NKAIN3: variants seen among roughly 807,000 people sequenced by gnomAD.
NKAIN3 encodes sodium/potassium-transporting ATPase subunit beta-1-interacting protein 3.
A neutral mutation model predicts 30.2 loss-of-function variants in NKAIN3; 25 were observed. That is an observed-to-expected ratio of 0.83 (90% CI 0.60 to 1.16). The LOEUF is 1.16. Among genes scored for constraint, NKAIN3 ranks in the 50% most tolerant of loss-of-function variants. The pLI is 0.00. For missense variants in NKAIN3, 225 were observed against 254.1 expected (o/e 0.89, Z 0.78); for synonymous variants, 91 against 89.6 (o/e 1.02, Z -0.09).
chr8:62,945,769 T>C (rs984375619), intron 5 of NKAIN3, among the ~76,000 whole-genome samples: 4 of 152,116 alleles, frequency 2.6e-5, no homozygotes, highest in Admixed American at 6.5e-5. Context: ...TGAGGAAGAA[T>C]GAGGATCCGA....
At chr8:62,946,968 C>A (rs1012140403) in intron 5 of NKAIN3, among the ~76,000 whole-genome samples, 3 of 152,110 alleles carry the variant, frequency 2.0e-5, no homozygotes, top group Admixed American at 1.3e-4. Context: ...TATAGTTAAA[C>A]CTGGGACATA....
At chr8:62,268,079 A>G (rs1812662163) in intron 1 of NKAIN3, among the ~76,000 whole-genome samples, 1 of 152,224 alleles carries the variant, frequency 6.6e-6, no homozygotes, top group Non-Finnish European at 1.5e-5. Flanking sequence ...GTAAGAAATC[A>G]AGGAAGAAAT....
At chr8:62,519,194 C>T (rs1808082301) in intron 1 of NKAIN3, among the ~76,000 whole-genome samples, 1 of 151,974 alleles carries the variant, frequency 6.6e-6, no homozygotes, top group Non-Finnish European at 1.5e-5. Flanking sequence ...GATGAAGTAA[C>T]CAGAGACTTG....
At position 62,317,103 on chromosome 8, in the gene NKAIN3, A is replaced by T. The variant is rs558543967; in HGVS notation, c.54+67976A>T. ...TGAGAAGTGTCTGTTCATATCCTTC[A>T]CCCACTTTTTGATGGGTTGTTTGTT... On this transcript the variant is annotated intron_variant, in intron 1 of 6. Coordinates refer to ENST00000623646, the MANE Select transcript of NKAIN3 (RefSeq NM_001304533.3). Among the ~76,000 whole-genome samples, 17 of 152,004 alleles carry T rather than the reference A, an allele frequency of 1.1e-4. No individual in the cohort carries two copies. The South Asian group carries it at 3.5e-3, about 32-fold the overall frequency.
intron 1 of NKAIN3, among the ~76,000 whole-genome samples, chr8:62,409,347 G>T (rs1206670524): frequency 6.6e-6 from 1 of 152,034 alleles, no homozygotes; most frequent in Admixed American, 6.6e-5. Context: ...ACCACAACCA[G>T]CTAATTTTGT....
chr8:62,624,618 C>A (rs1811736815), intron 3 of NKAIN3, among the ~76,000 whole-genome samples: 2 of 151,436 alleles, frequency 1.3e-5, no homozygotes, highest in Admixed American at 1.3e-4. Flanking sequence ...GTTTTATGAG[C>A]TTCCTGTATC....
intron 4 of NKAIN3, among the ~76,000 whole-genome samples, chr8:62,762,070 C>T (rs936962028): frequency 2.0e-5 from 3 of 152,190 alleles, no homozygotes; most frequent in Non-Finnish European, 4.4e-5. Context: ...AATCCCAGCA[C>T]TTTGGGAGGC....
intron 3 of NKAIN3, among the ~76,000 whole-genome samples, chr8:62,701,919 A>G (rs1814351210): frequency 1.3e-5 from 2 of 152,122 alleles, no homozygotes; most frequent in African/African-American, 2.4e-5. Context: ...TTAACCCCAT[A>G]TACTCAGAAT....
Position 62,775,820 on chromosome 8 carries a change from T to A in NKAIN3, c.471+28691T>A, listed in dbSNP as rs186318956. On this transcript the variant is annotated intron_variant, in intron 4 of 6. Transcript: ENST00000623646. ...TCTATTAGGCCCATTTGATCTATTG[T>A]ACAGTTTAAGTCTGATGTTTCTTTG... 5.3e-5 allele frequency among the ~76,000 whole-genome samples: 8 copies of A among 152,248 alleles called. No homozygotes were observed. In the East Asian group the frequency reaches 1.4e-3, roughly 26 times the overall value.
At chr8:62,470,006 G>A (rs577182689) in intron 1 of NKAIN3, among the ~76,000 whole-genome samples, 77 of 152,184 alleles carry the variant, frequency 5.1e-4, no homozygotes, top group African/African-American at 1.7e-3. Context: ...CCAATTCCCC[G>A]CAGCCTCTTC....
rs575640017 is a variant in NKAIN3, at chr8:62,713,292, A to T, written c.274-33640A>T. Reference sequence around the variant, plus strand: ...TATGACAAAAGCTTGCACGTAGTAGACACTTACCTGGTATTTGTAGGATTG... The same window carrying T: ...TATGACAAAAGCTTGCACGTAGTAGTCACTTACCTGGTATTTGTAGGATTG... On this transcript the variant is annotated intron_variant, in intron 3 of 6. Transcript: ENST00000623646. 9.2e-5 allele frequency among the ~76,000 whole-genome samples: 14 copies of T among 152,338 alleles called. No homozygotes were observed. The South Asian group carries it at 2.7e-3, about 29-fold the overall frequency.
chr8:62,574,342 A>G (rs976508955), intron 1 of NKAIN3, among the ~76,000 whole-genome samples: 2 of 152,184 alleles, frequency 1.3e-5, no homozygotes, highest in Non-Finnish European at 2.9e-5. Context: ...TAGTGCTGCA[A>G]TAAACGTGGG....
Position 62,508,862 on chromosome 8 carries a change from G to A in NKAIN3, c.55-70677G>A, listed in dbSNP as rs909764890. Among the ~76,000 whole-genome samples the A allele has an allele frequency of 7.7e-4, 117 of 152,214 alleles. 1 individual carries two copies. The highest frequency in any genetic ancestry group is 9.8e-4 in the Admixed American group (15 of 15,296). On this transcript the variant is annotated intron_variant, in intron 1 of 6. Transcript: ENST00000623646. ...AGTGTGTGGTGGAATGAATTTTCACGAAGTCAGGGTACCCATATAACAAAC... is the reference window on the plus strand; with the variant it reads ...AGTGTGTGGTGGAATGAATTTTCACAAAGTCAGGGTACCCATATAACAAAC...
chr8:62,344,879 T>C, intron 1 of NKAIN3: 1 of 438,636 alleles, frequency 2.3e-6, no homozygotes. Context: ...TTGCATTAAA[T>C]TGTTAGATAA....
intron 4 of NKAIN3, among the ~76,000 whole-genome samples, chr8:62,898,155 A>T (rs779132902): frequency 1.3e-5 from 2 of 152,180 alleles, no homozygotes; most frequent in African/African-American, 4.8e-5. Context: ...ATATCATGTT[A>T]ATATAGTTCT....
chr8:62,649,840 G>A (rs768889287), intron 3 of NKAIN3, among the ~76,000 whole-genome samples: 4 of 152,088 alleles, frequency 2.6e-5, no homozygotes, highest in Non-Finnish European at 2.9e-5. Flanking sequence ...AGGGGCTGGG[G>A]GAAGGTTCCC....
At chr8:62,612,976 T>C (rs1054470840) in intron 3 of NKAIN3, among the ~76,000 whole-genome samples, 2 of 152,164 alleles carry the variant, frequency 1.3e-5, no homozygotes, top group African/African-American at 4.8e-5. Context: ...AATTGCTATG[T>C]CTTGAAAAGT....
chr8:62,471,256 A>G (rs1341941191), intron 1 of NKAIN3, among the ~76,000 whole-genome samples: 2 of 152,164 alleles, frequency 1.3e-5, no homozygotes, highest in Non-Finnish European at 1.5e-5. Flanking sequence ...AGGGCGGGTT[A>G]AAGGATGAGA....
intron 1 of NKAIN3, among the ~76,000 whole-genome samples, chr8:62,454,601 C>T (rs1460357124): frequency 1.3e-5 from 2 of 151,530 alleles, no homozygotes; most frequent in African/African-American, 4.9e-5. Flanking sequence ...AAAACACTTC[C>T]ACTTTCTCAG....
Sources: gnomAD v4.1 joint callset for allele counts (sites outside exome capture counted in the v4.1 genomes callset) on GRCh38, gnomAD v4.1.1 for gene constraint, MANE v1.5 for transcripts, NCBI Gene and HGNC (gene_info 2026-07-23, HGNC 2026-07-21) for gene names.